The following VAC14 variants were observed in gnomAD, a reference collection of about 807,000 sequenced individuals.
The protein encoded by VAC14 is VAC14 component of PIKFYVE complex, also known as protein VAC14 homolog.
In VAC14, 47 loss-of-function variants were observed where a neutral mutation model predicts 85.3. That is an observed-to-expected ratio of 0.55 (90% confidence interval 0.44 to 0.70). VAC14 has a LOEUF of 0.70. Ranked by LOEUF, VAC14 falls within the 30% of genes least tolerant of loss-of-function variation. The probability of loss-of-function intolerance (pLI) is 0.00; values close to 1 mark genes in which losing one functional copy is unlikely to be tolerated. For missense variants in VAC14, 861 were observed against 1,004.3 expected (o/e 0.86, Z 1.93); for synonymous variants, 447 against 430.5 (o/e 1.04, Z -0.47).
chr16:70,771,504 T>C (rs187593875), intron 10 of VAC14: 2 of 152,302 alleles, frequency 1.3e-5, no homozygotes, highest in African/African-American at 2.4e-5. Flanking sequence ...ACTTTTATTA[T>C]TATAACTTGC....
intron 1 of VAC14, among the ~76,000 whole-genome samples, chr16:70,790,381 G>C (rs573829738): frequency 6.6e-6 from 1 of 152,190 alleles, no homozygotes; most frequent in Non-Finnish European, 1.5e-5. Flanking sequence ...GTAGGTGACA[G>C]GGTTGGAAAA....
chr16:70,793,442 T>G (rs751151840), intron 1 of VAC14, among the ~76,000 whole-genome samples: 1 of 152,222 alleles, frequency 6.6e-6, no homozygotes, highest in East Asian at 1.9e-4. Context: ...CACAAAGTCA[T>G]GCAAGTTGTA....
intron 14 of VAC14, among the ~76,000 whole-genome samples, chr16:70,726,909 C>T (rs1027817489): frequency 2.6e-5 from 4 of 152,366 alleles, no homozygotes; most frequent in Middle Eastern, 6.8e-3. Flanking sequence ...CCACTCAAGC[C>T]TGGCTGGAGC....
chr16:70,705,212 C>A (rs1270372128), intron 14 of VAC14, among the ~76,000 whole-genome samples: 1 of 152,200 alleles, frequency 6.6e-6, no homozygotes, highest in Non-Finnish European at 1.5e-5. Context: ...CAGGCTCTGC[C>A]CTCCCCACCC....
chr16:70,796,148 T>C (rs554128168), intron 1 of VAC14, among the ~76,000 whole-genome samples: 21 of 152,148 alleles, frequency 1.4e-4, no homozygotes, highest in African/African-American at 4.8e-4. Flanking sequence ...GGGAATAAGG[T>C]TGTAGGGGCA....
chr16:70,693,201 C>T (rs957137325), intron 17 of VAC14, among the ~76,000 whole-genome samples: 9 of 152,306 alleles, frequency 5.9e-5, no homozygotes, highest in African/African-American at 1.4e-4. Flanking sequence ...GTGTCCTAGC[C>T]GTTTCCATGA....
chr16:70,735,747 G>T lies in VAC14; in HGVS notation c.1529-4120C>A, dbSNP rs186397346. On this transcript the variant is annotated intron_variant, in intron 13 of 18. Coordinates refer to ENST00000261776, the MANE Select transcript of VAC14 (RefSeq NM_018052.5). ...CCCTGAGTGAGAAGGCCAGTTCAAG[G>T]AAAGGCCTCATTCCACTTCTTGTTT... Among the ~76,000 whole-genome samples the T allele has an allele frequency of 5.9e-5, 9 of 152,386 alleles. No homozygotes were observed. The East Asian group carries it at 1.7e-3, about 29-fold the overall frequency.
intron 14 of VAC14, among the ~76,000 whole-genome samples, chr16:70,728,167 A>G (rs928274836): frequency 1.3e-4 from 20 of 152,050 alleles, no homozygotes; most frequent in Non-Finnish European, 7.4e-5. Context: ...CTGAGAACCC[A>G]GTGTGGCCCA....
In VAC14 at chr16:70,756,250, C is replaced by T. The variant is rs552957116; in HGVS notation, c.1371+6290G>A. Among the ~76,000 whole-genome samples the T allele has an allele frequency of 1.1e-4, 17 of 152,272 alleles. No individual in the cohort carries two copies. In the East Asian group the frequency reaches 3.1e-3, roughly 28 times the overall value. On this transcript the variant is annotated intron_variant, in intron 12 of 18. Coordinates refer to ENST00000261776, the MANE Select transcript of VAC14 (RefSeq NM_018052.5). ...GGGCTGGGCTGAGGCTCCAGGCAGG[C>T]GTGGCAGCAGCAGTGGCACTGCCAG...
Position 70,781,979 on chromosome 16 carries a change from A to G in VAC14, c.836T>C (p.Met279Thr). 1.9e-6 allele frequency: 3 copies of G among 1,613,954 alleles called. No homozygotes were observed. Among genetic ancestry groups the G allele is most frequent in the South Asian group, 1.1e-5 (1 of 91,080 alleles). Residue 279 changes from methionine to threonine, a missense_variant, in exon 8 of 19, where the codon ATG (methionine) becomes ACG (threonine). Around this residue, in one of 3 missense-constraint regions of VAC14, gnomAD observed 629 missense variants for 703.1 expected, o/e 0.89. Coordinates refer to ENST00000261776, the MANE Select transcript of VAC14 (RefSeq NM_018052.5). The part of the protein sequence containing the change: ...TTDDLIQLTA[M>T]CWMREFIQLA... ...CTGGATGAACTCCCGCATCCAGCAC[A>G]TGGCTGTCAGCTGGATGAGGTCATC...
At chr16:70,747,288 C>T (rs941873053) in intron 12 of VAC14, 2 of 151,858 alleles carry the variant, frequency 1.3e-5, no homozygotes, top group Non-Finnish European at 2.9e-5. Context: ...GATTTGTGGT[C>T]GCCAGGGGCG....
intron 14 of VAC14, among the ~76,000 whole-genome samples, chr16:70,718,957 T>A (rs1010763973): frequency 6.6e-6 from 1 of 152,122 alleles, no homozygotes; most frequent in Admixed American, 6.6e-5. Flanking sequence ...GCCAGTGAAG[T>A]TCCTTTGCTC....
chr16:70,705,684 G>T (rs1050368711), intron 14 of VAC14, among the ~76,000 whole-genome samples: 1 of 152,156 alleles, frequency 6.6e-6, no homozygotes, highest in Non-Finnish European at 1.5e-5. Flanking sequence ...GCCCTCAGCT[G>T]CTCTCTCTAC....
intron 1 of VAC14, among the ~76,000 whole-genome samples, chr16:70,788,441 G>C (rs377418213): frequency 2.6e-5 from 4 of 152,340 alleles, no homozygotes; most frequent in African/African-American, 7.2e-5. Flanking sequence ...GTTGCCCCTT[G>C]CTTTCGTCTT....
intron 18 of VAC14, chr16:70,688,606 C>T: frequency 1.0e-6 from 1 of 985,614 alleles, no homozygotes; most frequent in African/African-American, 1.7e-5. Flanking sequence ...CCAAGGCCTG[C>T]AGTCACTCAC....
intron 13 of VAC14, among the ~76,000 whole-genome samples, chr16:70,737,188 G>A (rs1186553194): frequency 1.3e-5 from 2 of 152,222 alleles, no homozygotes; most frequent in Non-Finnish European, 2.9e-5. Context: ...CCCACCTCCG[G>A]CTCTGGCTCA....
Position 70,761,018 on chromosome 16 carries a change from T to TGTGTGC in VAC14, c.1371+1521_1371+1522insGCACAC, listed in dbSNP as rs1555523169. 6.3e-5 allele frequency: 17 copies of TGTGTGC among 267,806 alleles called. 2 individuals are homozygous for TGTGTGC. Among genetic ancestry groups the TGTGTGC allele is most frequent in the African/African-American group, 3.8e-4 (9 of 23,456 alleles). The allele number at this position is 267,806 out of a possible 1,614,324, so 16.6% of individuals were successfully genotyped here. ...GTGTGTGTGTGTGTGTGTGTGTGTG[T>TGTGTGC]GCATGGGGGGGCGGGGGGTAGGCAG... On this transcript the variant is annotated intron_variant, in intron 12 of 18. Transcript: ENST00000261776.
Position 70,692,943 on chromosome 16 carries a change from C to G in VAC14, c.2064G>C (p.Lys688Asn), listed in dbSNP as rs754263978. 4 of 1,611,330 alleles carry G rather than the reference C, an allele frequency of 2.5e-6. No homozygotes were observed. ...TYLRLQLLDV[K>N]NNPYLIKALY... The stretch of plus-strand genomic sequence containing the variant: ...GGGCCTTGATCAGGTAGGGGTTGTT[C>G]TTCACGTCCAGCAGCTGCAGGCGCA... Residue 688 changes from lysine (K) to asparagine (N), a missense_variant, in exon 18 of 19, where the codon AAG becomes AAC. By Grantham distance (94) the Lys-to-Asn change is moderately conservative. Coordinates refer to ENST00000261776, the MANE Select transcript of VAC14 (RefSeq NM_018052.5).
At chr16:70,772,030 T>C (rs895217577) in intron 10 of VAC14, 79 bp downstream of exon 10, 37 of 1,381,706 alleles carry the variant, frequency 2.7e-5, no homozygotes, top group East Asian at 9.2e-5. Context: ...CCTTGGGTCA[T>C]TGCTGTAGTC....
Sources: gnomAD v4.1 joint callset for allele counts (sites outside exome capture counted in the v4.1 genomes callset) on GRCh38, gnomAD v4.1.1 for gene constraint, gnomAD v4.1.1 regional missense constraint, MANE v1.5 for transcripts, NCBI Gene and HGNC (gene_info 2026-07-23, HGNC 2026-07-21) for gene names.